The following PCBP2 variants were observed in gnomAD, a reference collection of about 807,000 sequenced individuals.
The protein encoded by PCBP2 is poly(rC)-binding protein 2.
Under a neutral mutation model 50.1 loss-of-function variants are expected in PCBP2, and 4 were observed. The observed-to-expected ratio is 0.08, with a 90% CI of 0.04 to 0.18. PCBP2 has a LOEUF of 0.18. Ranked by LOEUF, PCBP2 falls within the 10% of genes least tolerant of loss-of-function variation. The pLI, the probability that PCBP2 is intolerant of heterozygous loss-of-function variation, is 1.00. For missense variants in PCBP2, 161 were observed against 474.3 expected (o/e 0.34, Z 6.14); for synonymous variants, 179 against 168.0 (o/e 1.07, Z -0.51).
rs1313804053 is a variant in PCBP2, at chr12:53,454,889, A to G, written c.69+20A>G. 1.2e-6 allele frequency: 2 copies of G among 1,607,446 alleles called. No homozygotes were observed. The highest frequency in any genetic ancestry group is 3.3e-5 in the Admixed American group (2 of 60,018). ...GGAAAGGTATGCTCTAGCTTGGGAA[A>G]TGGGGTCATAGTAACTGCTAGGGGA... On this transcript the variant is annotated intron_variant, in intron 2 of 14. Transcript: ENST00000546463.
rs1483916071 is a variant in PCBP2, at chr12:53,471,801, A to G, written c.1046A>G (p.Asn349Ser). 17 of 1,611,352 alleles carry G rather than the reference A, an allele frequency of 1.1e-5. No homozygotes were observed. The highest frequency in any genetic ancestry group is 3.3e-5 in the Admixed American group (2 of 59,824). ...ASISLAQYLI[N>S]VRLSSETGGM... ...ATTAGCCTGGCTCAATATCTAATCA[A>G]TGTCAGGTAAGATTGCTCTACCTTT... The change falls in exon 14 of 15, where the codon AAT becomes AGT. Residue 349 changes from asparagine to serine, a missense_variant. Transcript: ENST00000546463.
At chr12:53,475,279 A>G (rs1049070171) in intron 14 of PCBP2, 4 of 405,858 alleles carry the variant, frequency 9.9e-6, no homozygotes, top group African/African-American at 4.1e-5. Flanking sequence ...CTTTGTTAAC[A>G]TTGGTGAGAA....
intron 13 of PCBP2, among the ~76,000 whole-genome samples, chr12:53,469,654 G>A (rs1942066775): frequency 6.6e-6 from 1 of 152,100 alleles, no homozygotes; most frequent in Non-Finnish European, 1.5e-5. Flanking sequence ...TGAAACCCGG[G>A]AGGCGGAGGT....
intron 7 of PCBP2, 39 bp downstream of exon 7, chr12:53,461,182 C>A: frequency 6.2e-7 from 1 of 1,608,094 alleles, no homozygotes; most frequent in South Asian, 1.1e-5. Context: ...GGGGGAGGGC[C>A]ATTCTGGGGA....
chr12:53,462,331 C>G, intron 7 of PCBP2, 162 bp from the exon 8 acceptor site: 1 of 509,766 alleles, frequency 2.0e-6, no homozygotes, highest in South Asian at 3.7e-5. Flanking sequence ...AAATAACTTT[C>G]AGTAGATAAA....
chr12:53,466,992 A>G (rs1275443696), intron 10 of PCBP2, among the ~76,000 whole-genome samples: 1 of 151,894 alleles, frequency 6.6e-6, no homozygotes, highest in African/African-American at 2.4e-5. Flanking sequence ...CTATTCCCAC[A>G]CCCAAAAGGC....
chr12:53,460,679 A>C (rs1318597438), intron 6 of PCBP2: 4 of 241,930 alleles, frequency 1.7e-5, no homozygotes, highest in Non-Finnish European at 1.7e-5. Flanking sequence ...TCAGTAACAT[A>C]ATGAAAGGTG....
Position 53,468,767 on chromosome 12 carries a change from T to G in PCBP2, c.827-10T>G. 1 of 1,610,286 alleles carries G rather than the reference T, an allele frequency of 6.2e-7. No individual in the cohort carries two copies. Among genetic ancestry groups the G allele is most frequent in the Non-Finnish European group, 8.5e-7 (1 of 1,176,526 alleles). ...TGCATTGAATTTGCTTGCTCTCTTC[T>G]GTCTTTTAGCAGGTTTGGATGCATC... On this transcript the variant is annotated splice_polypyrimidine_tract_variant and intron_variant, in intron 12 of 14. Coordinates refer to ENST00000546463, the MANE Select transcript of PCBP2 (RefSeq NM_031989.5).
chr12:53,461,074 C>T lies in PCBP2; in HGVS notation c.435C>T (p.Ala145=), dbSNP rs1941416498. 1.2e-6 allele frequency: 2 copies of T among 1,613,900 alleles called. No homozygotes were observed. Among genetic ancestry groups the T allele is most frequent in the Non-Finnish European group, 1.7e-6 (2 of 1,179,994 alleles). The change falls in exon 7 of 15, where the codon GCC becomes GCT. Residue 145 remains alanine, a synonymous_variant. Coordinates refer to ENST00000546463, the MANE Select transcript of PCBP2 (RefSeq NM_031989.5). ...TGCTACCCAACTCAACTGAGCGGGC[C>T]ATCACTATTGCTGGCATTCCACAAT... ...GDMLPNSTER[A]ITIAGIPQSI...
chr12:53,459,915 C>T (rs1307082326), intron 6 of PCBP2: 1 of 450,670 alleles, frequency 2.2e-6, no homozygotes, highest in Non-Finnish European at 4.5e-6. Context: ...CTCCCACCAC[C>T]ACACCCAAAT....
At chr12:53,469,550 T>C (rs1942057743) in intron 13 of PCBP2, among the ~76,000 whole-genome samples, 1 of 151,616 alleles carries the variant, frequency 6.6e-6, no homozygotes, top group South Asian at 2.1e-4. Context: ...GAGGAACCCA[T>C]CTCTACTAAA....
chr12:53,463,147 G>A lies in PCBP2; in HGVS notation c.579+580G>A, dbSNP rs573814541. ...AGAGTTCAGTGTGCAAGAATAGAAG[G>A]GGGGTGAGCATGTTGGGCTGTGGTG... On this transcript the variant is annotated intron_variant, in intron 8 of 14. Transcript: ENST00000546463. 5.3e-5 allele frequency among the ~76,000 whole-genome samples: 8 copies of A among 152,266 alleles called. 1 individual carries two copies. In the South Asian group the frequency reaches 1.5e-3, roughly 28 times the overall value.
chr12:53,462,734 T>A (rs1329730732), intron 8 of PCBP2, among the ~76,000 whole-genome samples, 167 bp downstream of exon 8: 1 of 152,240 alleles, frequency 6.6e-6, no homozygotes, highest in African/African-American at 2.4e-5. Flanking sequence ...GCTGAATGCC[T>A]TAATTTTTAG....
intron 14 of PCBP2, among the ~76,000 whole-genome samples, chr12:53,478,542 G>T (rs1438728080): frequency 1.3e-5 from 2 of 152,262 alleles, no homozygotes; most frequent in East Asian, 1.9e-4. Flanking sequence ...GGTGGCTCAT[G>T]CCTGTAATCC....
intron 14 of PCBP2, among the ~76,000 whole-genome samples, chr12:53,477,828 G>A (rs559816529): frequency 8.4e-4 from 128 of 152,232 alleles, no homozygotes; most frequent in African/African-American, 2.9e-3. Flanking sequence ...TGTTGTGGAA[G>A]GGATACAGAT....
Position 53,472,004 on chromosome 12 carries a change from TG to T in PCBP2, c.1052+206del, listed in dbSNP as rs145529470. The stretch of plus-strand genomic sequence containing the variant: ...CTGCAGTAAGTTTTCAAGGGGTTGG[TG>T]GGGGGGGGAGCACAGATTGCCCGCA... On this transcript the variant is annotated intron_variant, in intron 14 of 14. Transcript: ENST00000546463. Among the ~76,000 whole-genome samples the T allele has an allele frequency of 4.9e-3, 639 of 130,876 alleles. 6 individuals are homozygous for T. The highest frequency in any genetic ancestry group is 0.014 in the African/African-American group (472 of 33,780). 85.9% of individuals were successfully genotyped at this position (130,876 alleles called of 152,430 possible).
intron 7 of PCBP2, among the ~76,000 whole-genome samples, chr12:53,461,460 A>C (rs1415002810): frequency 3.9e-5 from 6 of 152,174 alleles, no homozygotes; most frequent in African/African-American, 1.2e-4. Context: ...GAGTTAAATT[A>C]CTTTTTGAAT....
rs1942996411 is a variant in PCBP2, at chr12:53,480,734, G to C, written c.*1292G>C. Reference sequence around the variant, plus strand: ...CATTGCCACCTGAGAAACCTCAGAGGGGAGGACCCAGCCTTAGCCTCCCTC... The same window carrying C: ...CATTGCCACCTGAGAAACCTCAGAGCGGAGGACCCAGCCTTAGCCTCCCTC... On this transcript the variant is annotated 3_prime_UTR_variant, in exon 15 of 15. Transcript: ENST00000546463. 6.6e-6 allele frequency: 1 copy of C among 152,562 alleles called. No homozygotes were observed. Among genetic ancestry groups the C allele is most frequent in the Admixed American group, 6.6e-5 (1 of 15,258 alleles). The allele number at this position is 152,562 out of a possible 1,614,324, so 9.5% of individuals were successfully genotyped here.
chr12:53,472,801 G>A (rs559197800), intron 14 of PCBP2, among the ~76,000 whole-genome samples: 1 of 152,232 alleles, frequency 6.6e-6, no homozygotes, highest in African/African-American at 2.4e-5. Flanking sequence ...TTCCCCAGTA[G>A]CAGTCTGACT....
Sources: allele counts gnomAD v4.1 joint callset (sites outside exome capture counted in the v4.1 genomes callset), GRCh38; gene constraint gnomAD v4.1.1; transcripts MANE v1.5; gene names NCBI Gene and HGNC (gene_info 2026-07-23, HGNC 2026-07-21).